Variants in EVI5 observed in about 807,000 individuals in gnomAD.
The protein encoded by EVI5 is ecotropic viral integration site 5 protein homolog.
EVI5 carries 73 observed loss-of-function variants against 112.0 expected under a neutral mutation model. The observed-to-expected ratio is 0.65, with a 90% CI of 0.54 to 0.79. The LOEUF (loss-of-function observed/expected upper bound fraction) is 0.79, where lower values mean the gene tolerates loss of function less well. Ranked by LOEUF, EVI5 falls within the 30% of genes least tolerant of loss-of-function variation. The pLI is 0.00. For missense variants in EVI5, 900 were observed against 968.8 expected, an observed-to-expected ratio of 0.93 and a Z score of 0.94; for synonymous variants, 305 against 319.9, an observed-to-expected ratio of 0.95 and a Z score of 0.50.
At chr1:92,560,734 T>G (rs1181115284) in intron 19 of EVI5, among the ~76,000 whole-genome samples, 1 of 151,998 alleles carries the variant, frequency 6.6e-6, no homozygotes, top group Admixed American at 6.6e-5. Flanking sequence ...GCATTTATTA[T>G]TATTATTTTT....
At chr1:92,668,048 T>C (rs2102235557) in intron 10 of EVI5, among the ~76,000 whole-genome samples, 1 of 152,312 alleles carries the variant, frequency 6.6e-6, no homozygotes, top group African/African-American at 2.4e-5. Flanking sequence ...ATTCAACCTA[T>C]TATTTTGCCA....
chr1:92,731,756 T>A (rs1329736620), intron 2 of EVI5, among the ~76,000 whole-genome samples: 1 of 152,028 alleles, frequency 6.6e-6, no homozygotes, highest in Non-Finnish European at 1.5e-5. Flanking sequence ...TACAGACAAC[T>A]GATATCTGAC....
chr1:92,728,323 C>A (rs1281310425), intron 2 of EVI5, among the ~76,000 whole-genome samples: 1 of 151,756 alleles, frequency 6.6e-6, no homozygotes, highest in Non-Finnish European at 1.5e-5. Flanking sequence ...AGAAAGCCAA[C>A]AAAGATGTAC....
At chr1:92,748,621 C>T (rs1164162642) in intron 1 of EVI5, among the ~76,000 whole-genome samples, 1 of 152,072 alleles carries the variant, frequency 6.6e-6, no homozygotes, top group Admixed American at 6.6e-5. Flanking sequence ...TGAAATAAAA[C>T]CAAGAAACTA....
At chr1:92,669,020 T>TTA (rs1665400403) in intron 10 of EVI5, among the ~76,000 whole-genome samples, 1 of 152,204 alleles carries the variant, frequency 6.6e-6, no homozygotes, top group East Asian at 1.9e-4. Flanking sequence ...ATTCAATGTT[T>TTA]TAGAATCTCC....
At chr1:92,549,605 A>G (rs1327321302) in intron 19 of EVI5, among the ~76,000 whole-genome samples, 1 of 152,136 alleles carries the variant, frequency 6.6e-6, no homozygotes, top group South Asian at 2.1e-4. Flanking sequence ...CTCATCTGAC[A>G]AAGGGCTAAT....
At chr1:92,782,866 C>A (rs945894987) in intron 1 of EVI5, among the ~76,000 whole-genome samples, 2 of 152,106 alleles carry the variant, frequency 1.3e-5, no homozygotes, top group Non-Finnish European at 2.9e-5. Context: ...GCCGCTCAGG[C>A]TGGAGTGCAG....
At chr1:92,654,951 A>G (rs1360381294) in intron 13 of EVI5, among the ~76,000 whole-genome samples, 3 of 152,208 alleles carry the variant, frequency 2.0e-5, no homozygotes, top group Non-Finnish European at 4.4e-5. Context: ...TTCAAAAATG[A>G]ACAAAGCCTT....
intron 13 of EVI5, among the ~76,000 whole-genome samples, chr1:92,636,583 A>C (rs752031486): frequency 6.6e-6 from 1 of 152,224 alleles, no homozygotes; most frequent in African/African-American, 2.4e-5. Flanking sequence ...ACGCTGATCA[A>C]ATCTGATTCA....
intron 2 of EVI5, among the ~76,000 whole-genome samples, chr1:92,735,489 CA>C (rs1296599902): frequency 2.0e-5 from 3 of 151,348 alleles, no homozygotes; most frequent in Non-Finnish European, 4.4e-5. Flanking sequence ...AACAATACAT[CA>C]AAAAACCTGT....
intron 19 of EVI5, 136 bp downstream of exon 19, chr1:92,563,506 A>G (rs1471655329): frequency 2.2e-6 from 1 of 464,416 alleles, no homozygotes; most frequent in Non-Finnish European, 3.8e-6. Flanking sequence ...ATTTTCAAAA[A>G]TGTTATTAAT....
intron 9 of EVI5, among the ~76,000 whole-genome samples, chr1:92,680,475 G>A (rs1316173505): frequency 6.6e-6 from 1 of 152,096 alleles, no homozygotes; most frequent in African/African-American, 2.4e-5. Context: ...AAATAAATGA[G>A]GGTGAAGGGA....
intron 18 of EVI5, among the ~76,000 whole-genome samples, chr1:92,565,499 A>T (rs1669299607): frequency 1.3e-5 from 2 of 152,156 alleles, no homozygotes; most frequent in Non-Finnish European, 1.5e-5. Flanking sequence ...CTTGAGAGAA[A>T]TGGGTTGCTG....
At chr1:92,727,213 T>C (rs1675704117) in intron 2 of EVI5, among the ~76,000 whole-genome samples, 1 of 152,086 alleles carries the variant, frequency 6.6e-6, no homozygotes, top group South Asian at 2.1e-4. Context: ...GGAAGGTGAA[T>C]GAGGAGACTA....
chr1:92,533,236 G>C (rs1214922921), intron 19 of EVI5, among the ~76,000 whole-genome samples: 1 of 152,016 alleles, frequency 6.6e-6, no homozygotes, highest in African/African-American at 2.4e-5. Flanking sequence ...GACTAAAGCA[G>C]GAAGAAGTTG....
chr1:92,635,474 G>A (rs985538038), intron 14 of EVI5, among the ~76,000 whole-genome samples: 12 of 152,166 alleles, frequency 7.9e-5, no homozygotes, highest in African/African-American at 1.7e-4. Context: ...AGGACCCTCC[G>A]AGCCAGGCAC....
At chr1:92,792,206 A>T (rs1686150660) in intron 1 of EVI5, 2 of 608,244 alleles carry the variant, frequency 3.3e-6, no homozygotes, top group South Asian at 4.3e-5. Context: ...AACTGAAGAA[A>T]TGTTAACAAG....
At chr1:92,532,186 G>A (rs1662982977) in intron 19 of EVI5, among the ~76,000 whole-genome samples, 1 of 152,142 alleles carries the variant, frequency 6.6e-6, no homozygotes, top group East Asian at 1.9e-4. Context: ...AAGAGACAAA[G>A]AAAGGCATTA....
chr1:92,697,607 G>A (rs1670510231), intron 6 of EVI5, among the ~76,000 whole-genome samples: 1 of 152,212 alleles, frequency 6.6e-6, no homozygotes, highest in Admixed American at 6.5e-5. Flanking sequence ...GCTTAGGTAA[G>A]GGGTGTATAG....
Sources: allele counts gnomAD v4.1 joint callset (sites outside exome capture counted in the v4.1 genomes callset), GRCh38; gene constraint gnomAD v4.1.1; transcripts MANE v1.5; gene names NCBI Gene and HGNC (gene_info 2026-07-23, HGNC 2026-07-21).